Variants in DOCK3 observed in about 807,000 individuals in gnomAD.
The protein encoded by DOCK3 is dedicator of cytokinesis 3.
A neutral mutation model predicts 265.6 loss-of-function variants in DOCK3; 60 were observed. That is an observed-to-expected ratio of 0.23 (90% confidence interval 0.18 to 0.28). The LOEUF is 0.28. Among genes scored for constraint, DOCK3 ranks in the 10% least tolerant of loss-of-function variants. The probability of loss-of-function intolerance (pLI) is 1.00; values close to 1 mark genes in which losing one functional copy is unlikely to be tolerated. For missense variants in DOCK3, 1,981 were observed against 2,594.3 expected (o/e 0.76, Z 5.14); for synonymous variants, 881 against 938.0 (o/e 0.94, Z 1.11).
intron 4 of DOCK3, among the ~76,000 whole-genome samples, chr3:50,916,046 A>G (rs1467423642): frequency 1.3e-5 from 2 of 152,070 alleles, no homozygotes; most frequent in Non-Finnish European, 2.9e-5. Flanking sequence ...CACTCCAGCC[A>G]TAGTTCCACT....
chr3:51,270,779 A>C, intron 23 of DOCK3, 36 bp from the exon 24 acceptor site: 1 of 1,589,682 alleles, frequency 6.3e-7, no homozygotes, highest in Non-Finnish European at 8.6e-7. Context: ...ACACACCCTA[A>C]CTCTGTGCTA....
intron 12 of DOCK3, among the ~76,000 whole-genome samples, chr3:51,172,444 G>A (rs532208188): frequency 6.6e-6 from 1 of 152,276 alleles, no homozygotes; most frequent in East Asian, 1.9e-4. Context: ...CCAAAGTGCT[G>A]GGATTACAGG....
chr3:51,053,206 T>C (rs1176313092), intron 5 of DOCK3, among the ~76,000 whole-genome samples: 2 of 147,892 alleles, frequency 1.4e-5, no homozygotes, highest in Non-Finnish European at 3.0e-5. Flanking sequence ...TCCCCATTCC[T>C]GATTCTCACT....
At chr3:51,314,911 G>A in intron 31 of DOCK3, 69 bp from the exon 32 acceptor site, 2 of 1,495,588 alleles carry the variant, frequency 1.3e-6, no homozygotes, top group Non-Finnish European at 1.8e-6. Flanking sequence ...CATGTGTTGT[G>A]GCCCCATTTG....
At chr3:50,782,965 ATTTT>A (rs34337890) in intron 2 of DOCK3, among the ~76,000 whole-genome samples, 2 of 133,250 alleles carry the variant, frequency 1.5e-5, no homozygotes, top group Admixed American at 7.4e-5. Flanking sequence ...GAATGCCATG[ATTTT>A]TTTTTTTTTT....
chr3:51,188,122 T>C (rs964112842), intron 12 of DOCK3, among the ~76,000 whole-genome samples: 1 of 152,240 alleles, frequency 6.6e-6, no homozygotes, highest in African/African-American at 2.4e-5. Flanking sequence ...TAGTCTTTTG[T>C]GCTCCTTTTT....
intron 9 of DOCK3, among the ~76,000 whole-genome samples, chr3:51,114,362 G>A (rs1436482836): frequency 1.3e-5 from 2 of 152,160 alleles, no homozygotes; most frequent in Non-Finnish European, 2.9e-5. Context: ...GCAGAGATAG[G>A]GTGAGGCAGG....
At chr3:51,362,388 C>A in intron 48 of DOCK3, 139 bp from the exon 49 acceptor site, 1 of 1,168,432 alleles carries the variant, frequency 8.6e-7, no homozygotes, top group Non-Finnish European at 1.2e-6. Flanking sequence ...CAGCCATTAG[C>A]CTGGCCTCCA....
chr3:51,371,529 A>G (rs1054373415), intron 49 of DOCK3, among the ~76,000 whole-genome samples: 2 of 152,242 alleles, frequency 1.3e-5, no homozygotes, highest in African/African-American at 4.8e-5. Context: ...AGAAAGACTG[A>G]TACTTTCAAA....
At chr3:51,253,330 T>C (rs887291360) in intron 22 of DOCK3, among the ~76,000 whole-genome samples, 1 of 152,174 alleles carries the variant, frequency 6.6e-6, no homozygotes, top group Non-Finnish European at 1.5e-5. Context: ...TTCTCTTTTT[T>C]TTGTTGTGTC....
At chr3:50,744,023 C>T (rs988048900) in intron 1 of DOCK3, among the ~76,000 whole-genome samples, 1 of 152,170 alleles carries the variant, frequency 6.6e-6, no homozygotes, top group East Asian at 1.9e-4. Context: ...TTTAGATTTG[C>T]ATTTTCCTAA....
At chr3:51,245,395 T>C (rs1367783992) in intron 21 of DOCK3, among the ~76,000 whole-genome samples, 22 of 149,168 alleles carry the variant, frequency 1.5e-4, no homozygotes, top group South Asian at 4.3e-4. Context: ...TCTTTCTTTT[T>C]TTTTTTTTTT....
rs141792926 is a variant in DOCK3 at position 50,851,410 on chromosome 3, T to C, written c.162+9695T>C. Among the ~76,000 whole-genome samples the C allele has an allele frequency of 1.6e-3, 240 of 152,116 alleles. 2 individuals are homozygous for C. Among genetic ancestry groups the C allele is most frequent in the African/African-American group, 5.4e-3 (226 of 41,500 alleles). On this transcript the variant is annotated intron_variant, in intron 3 of 52. Coordinates refer to ENST00000266037, the MANE Select transcript of DOCK3 (RefSeq NM_004947.5). ...AGGGTGGGGCAGTTCAGGCGGCTGA[T>C]CCAGATGAGCTAGAACTCCAAATGC...
intron 3 of DOCK3, among the ~76,000 whole-genome samples, chr3:50,873,302 C>T (rs1255307135): frequency 1.3e-5 from 2 of 152,158 alleles, no homozygotes; most frequent in Non-Finnish European, 2.9e-5. Context: ...AGGTTCCCTT[C>T]TGGGCCAGGG....
intron 12 of DOCK3, among the ~76,000 whole-genome samples, chr3:51,201,607 G>T (rs1447240191): frequency 6.6e-6 from 1 of 152,154 alleles, no homozygotes; most frequent in Non-Finnish European, 1.5e-5. Flanking sequence ...ACATTAGACA[G>T]ATCAACAAGA....
intron 1 of DOCK3, among the ~76,000 whole-genome samples, chr3:50,700,696 G>T (rs544295944): frequency 6.6e-6 from 1 of 152,162 alleles, no homozygotes; most frequent in South Asian, 2.1e-4. Flanking sequence ...AGACACTTAG[G>T]TTGATTCCGT....
intron 7 of DOCK3, among the ~76,000 whole-genome samples, chr3:51,083,939 A>G (rs542028802): frequency 1.9e-4 from 29 of 152,254 alleles, no homozygotes; most frequent in African/African-American, 6.0e-4. Context: ...AGCCAAGATC[A>G]CACCACTGTA....
chr3:51,246,816 C>T lies in DOCK3; in HGVS notation c.2184+9C>T. On this transcript the variant is annotated intron_variant, in intron 22 of 52. Transcript: ENST00000266037. ...TTCAAGAAGCTATGCGGGTAATGTA[C>T]TAACCTCTCCATACATAAGAGACCC... The T allele has an allele frequency of 6.2e-7, 1 of 1,611,020 alleles. No homozygotes were observed. The highest frequency in any genetic ancestry group is 1.1e-5 in the South Asian group (1 of 90,250).
In DOCK3 at chr3:50,844,415, A is replaced by G. The variant is rs541654255; in HGVS notation, c.162+2700A>G. Among the ~76,000 whole-genome samples, 7 of 152,058 alleles carry G rather than the reference A, an allele frequency of 4.6e-5. No individual in the cohort carries two copies. In the South Asian group the frequency reaches 1.2e-3, roughly 27 times the overall value. ...TTTCCACTTTTTGTAGAGATGGGGTATCTCTATGTTACCCAGGCGGGTCTC... is the reference window on the plus strand; with the variant it reads ...TTTCCACTTTTTGTAGAGATGGGGTGTCTCTATGTTACCCAGGCGGGTCTC... On this transcript the variant is annotated intron_variant, in intron 3 of 52. Transcript: ENST00000266037.
Sources: gnomAD v4.1 joint callset for allele counts (sites outside exome capture counted in the v4.1 genomes callset) on GRCh38, gnomAD v4.1.1 for gene constraint, MANE v1.5 for transcripts, NCBI Gene and HGNC (gene_info 2026-07-23, HGNC 2026-07-21) for gene names.